The following LARGE1 variants were observed in gnomAD, a reference collection of about 807,000 sequenced individuals.
The protein encoded by LARGE1 is LARGE xylosyl- and glucuronyltransferase 1.
A neutral mutation model predicts 87.6 loss-of-function variants in LARGE1; 43 were observed. The ratio of observed to expected loss-of-function variants is 0.49; its 90% CI spans 0.38 to 0.63. LARGE1 has a LOEUF of 0.63. Ranked by LOEUF, LARGE1 falls within the 30% of genes least tolerant of loss-of-function variation. LARGE1 has a pLI of 0.00. For missense variants in LARGE1, 802 were observed against 1,000.2 expected (o/e 0.80, Z 2.67); for synonymous variants, 434 against 394.6 (o/e 1.10, Z -1.18).
At chr22:33,114,174 C>A in the LARGE1 span, among the ~76,000 whole-genome samples, 1 of 152,088 alleles carries the variant, frequency 6.6e-6, no homozygotes, top group African/African-American at 2.4e-5. Context: ...CCGCGCCCGG[C>A]CGAAAACTGG....
At chr22:33,171,743 G>A (rs1417419210) in intron 11 of LARGE1, among the ~76,000 whole-genome samples, 2 of 152,228 alleles carry the variant, frequency 1.3e-5, no homozygotes, top group Non-Finnish European at 2.9e-5. Context: ...GGAAATGCCT[G>A]GATATCCAGG....
chr22:33,217,560 A>G (rs1042143371), intron 11 of LARGE1, among the ~76,000 whole-genome samples: 3 of 152,214 alleles, frequency 2.0e-5, no homozygotes, highest in African/African-American at 7.2e-5. Flanking sequence ...ATATTATTAT[A>G]TTGCCCATGA....
At position 33,848,785 on chromosome 22, in the gene LARGE1, C is replaced by A. The variant is rs928163954; in HGVS notation, c.-83+71210G>T. On this transcript the variant is annotated intron_variant, in intron 1 of 14. Transcript: ENST00000397394. ...GGGCCTCTGAGGCAGAGAGAGGGAC[C>A]TGGGGTCAGGTCCTTGATCTGTCCC... Among the ~76,000 whole-genome samples, 13 of 152,354 alleles carry A rather than the reference C, an allele frequency of 8.5e-5. No individual in the cohort carries two copies. The East Asian group carries it at 2.5e-3, about 29-fold the overall frequency.
At chr22:33,107,541 C>T in the LARGE1 span, among the ~76,000 whole-genome samples, 5 of 148,786 alleles carry the variant, frequency 3.4e-5, no homozygotes, top group South Asian at 2.2e-4. Context: ...GGTTACAGAG[C>T]GAGACTTTGT....
At chr22:33,067,347 T>C in the LARGE1 span, among the ~76,000 whole-genome samples, 1,533 of 152,178 alleles carry the variant, frequency 0.01, 26 homozygotes, top group African/African-American at 0.034. Flanking sequence ...ATGGCAAACA[T>C]TTACCTTGGC....
chr22:33,656,511 A>C (rs1166601966), intron 2 of LARGE1, among the ~76,000 whole-genome samples: 1 of 152,140 alleles, frequency 6.6e-6, no homozygotes, highest in Non-Finnish European at 1.5e-5. Context: ...CAATACTCAA[A>C]TTCTCTGCTG....
intron 7 of LARGE1, among the ~76,000 whole-genome samples, chr22:33,429,305 A>G (rs2147687167): frequency 6.6e-6 from 1 of 152,126 alleles, no homozygotes; most frequent in Non-Finnish European, 1.5e-5. Flanking sequence ...CATAATAATC[A>G]CTCAGTGTCA....
At chr22:33,720,271 G>C (rs958847051) in intron 2 of LARGE1, among the ~76,000 whole-genome samples, 2 of 152,044 alleles carry the variant, frequency 1.3e-5, no homozygotes, top group African/African-American at 4.8e-5. Flanking sequence ...TTCACAATAG[G>C]GTTTGCAATA....
chr22:33,799,431 T>C (rs2086087483), intron 1 of LARGE1, among the ~76,000 whole-genome samples: 1 of 151,742 alleles, frequency 6.6e-6, no homozygotes, highest in South Asian at 2.1e-4. Context: ...TGTAAACATA[T>C]ACAGATAAGA....
intron 3 of LARGE1, among the ~76,000 whole-genome samples, chr22:33,641,480 A>G (rs240608): frequency 0.61 from 92,663 of 151,888 alleles, 28,763 homozygotes; most frequent in Middle Eastern, 0.71. Context: ...TTCTCCCCCA[A>G]ATGATCGCAA....
At chr22:33,783,656 GTTA>G (rs921324401) in intron 1 of LARGE1, among the ~76,000 whole-genome samples, 3 of 152,194 alleles carry the variant, frequency 2.0e-5, no homozygotes, top group Non-Finnish European at 4.4e-5. Flanking sequence ...GTGTTTTGTT[GTTA>G]TTGTTGTTGT....
intron 1 of LARGE1, among the ~76,000 whole-genome samples, chr22:33,889,937 A>T (rs906019770): frequency 1.3e-5 from 2 of 152,216 alleles, no homozygotes; most frequent in African/African-American, 4.8e-5. Context: ...CAGATGAGGA[A>T]CACACAGGCA....
chr22:33,359,560 C>CTTTTTT (rs539990533), intron 9 of LARGE1, among the ~76,000 whole-genome samples: 3 of 119,230 alleles, frequency 2.5e-5, no homozygotes, highest in Admixed American at 8.7e-5. Context: ...GCAGACTCAT[C>CTTTTTT]TTTTTTTTTT....
chr22:33,836,797 G>GA (rs11411468), intron 1 of LARGE1, among the ~76,000 whole-genome samples: 8,233 of 140,100 alleles, frequency 0.059, 753 homozygotes, highest in African/African-American at 0.2. Context: ...TACCTTACTG[G>GA]AAAAAAAAAA....
At chr22:33,272,018 GATTT>G (rs1213462009), downstream of LARGE1, among the ~76,000 whole-genome samples, 3 of 152,172 alleles carry the variant, frequency 2.0e-5, no homozygotes, top group Non-Finnish European at 2.9e-5. Flanking sequence ...GAAGTGACCC[GATTT>G]AGATGACAAA....
chr22:33,305,358 TA>T (rs60727771), intron 11 of LARGE1, among the ~76,000 whole-genome samples: 1,528 of 98,528 alleles, frequency 0.016, 7 homozygotes, highest in Non-Finnish European at 0.022. Context: ...GGGAAAAAAT[TA>T]AAAAAAAAAA....
At chr22:33,219,119 A>C (rs1005715612) in intron 11 of LARGE1, among the ~76,000 whole-genome samples, 3 of 152,224 alleles carry the variant, frequency 2.0e-5, no homozygotes, top group African/African-American at 7.2e-5. Context: ...ATGAGAAACA[A>C]ATGTATTGAG....
intron 1 of LARGE1, among the ~76,000 whole-genome samples, chr22:33,783,620 A>G (rs1385469946): frequency 6.6e-6 from 1 of 152,186 alleles, no homozygotes; most frequent in Non-Finnish European, 1.5e-5. Context: ...GGTGTCTACT[A>G]AAAGTACTCT....
At chr22:33,292,393 A>G (rs1392057887) in intron 12 of LARGE1, among the ~76,000 whole-genome samples, 2 of 152,160 alleles carry the variant, frequency 1.3e-5, no homozygotes, top group African/African-American at 4.8e-5. Context: ...AAACAGGGAC[A>G]AAGGATTCTG....
Sources: allele counts gnomAD v4.1 joint callset (sites outside exome capture counted in the v4.1 genomes callset), GRCh38; gene constraint gnomAD v4.1.1; transcripts MANE v1.5; gene names NCBI Gene and HGNC (gene_info 2026-07-23, HGNC 2026-07-21).